SLC13A3: variants seen among roughly 807,000 people sequenced by gnomAD.
SLC13A3 encodes solute carrier family 13 member 3, also known as Na(+)/dicarboxylate cotransporter 3.
Under a neutral mutation model 59.0 loss-of-function variants are expected in SLC13A3, and 40 were observed. That is an observed-to-expected ratio of 0.68 (90% CI 0.53 to 0.88). The LOEUF is 0.88. Among genes scored for constraint, SLC13A3 ranks in the 40% least tolerant of loss-of-function variants. SLC13A3 has a pLI of 0.00. For missense variants in SLC13A3, 699 were observed against 783.2 expected (o/e 0.89, Z 1.28); for synonymous variants, 317 against 330.3 (o/e 0.96, Z 0.44).
At chr20:46,660,696 T>G (rs1473977274) in intron 1 of SLC13A3, among the ~76,000 whole-genome samples, 2 of 152,180 alleles carry the variant, frequency 1.3e-5, no homozygotes, top group Non-Finnish European at 2.9e-5. Flanking sequence ...TTTGGTATAT[T>G]TCCCGTCATT....
chr20:46,585,757 A>G (rs2062184743), intron 8 of SLC13A3: 1 of 1,292,956 alleles, frequency 7.7e-7, no homozygotes, highest in Non-Finnish European at 1.0e-6. Flanking sequence ...AAAAAAATAA[A>G]GCATCTACAT....
intron 3 of SLC13A3, among the ~76,000 whole-genome samples, chr20:46,602,746 CA>C (rs2062392127): frequency 6.6e-6 from 1 of 152,172 alleles, no homozygotes; most frequent in South Asian, 2.1e-4. Flanking sequence ...CCCACCCCAG[CA>C]AAGAATTATC....
At chr20:46,604,307 C>T (rs2062414087) in intron 3 of SLC13A3, among the ~76,000 whole-genome samples, 1 of 152,172 alleles carries the variant, frequency 6.6e-6, no homozygotes, top group Non-Finnish European at 1.5e-5. Context: ...ACACCCCCTT[C>T]CTGAAATAAT....
At chr20:46,679,452 A>T (rs1036065287) in intron 1 of SLC13A3, among the ~76,000 whole-genome samples, 6 of 152,172 alleles carry the variant, frequency 3.9e-5, no homozygotes, top group Non-Finnish European at 5.9e-5. Flanking sequence ...GTCTCTACTA[A>T]AAAATACAAA....
intron 1 of SLC13A3, among the ~76,000 whole-genome samples, chr20:46,634,389 G>GGCTCCCTCTTACCTT (rs1487121316): frequency 6.6e-6 from 1 of 152,122 alleles, no homozygotes; most frequent in Non-Finnish European, 1.5e-5. Context: ...TGCCAACCGA[G>GGCTCCCTCTTACCTT]GCTCCCTCTT....
chr20:46,638,001 G>T (rs1457850498), intron 1 of SLC13A3, among the ~76,000 whole-genome samples: 1 of 152,194 alleles, frequency 6.6e-6, no homozygotes, highest in African/African-American at 2.4e-5. Context: ...GGAAGCGGTT[G>T]ATGTCTGGTT....
intron 10 of SLC13A3, among the ~76,000 whole-genome samples, chr20:46,572,434 TCAGCATGCC>T (rs2062037207): frequency 1.3e-5 from 2 of 152,062 alleles, no homozygotes; most frequent in African/African-American, 4.8e-5. Flanking sequence ...GGGTGGCCTC[TCAGCATGCC>T]CAGCGTCCCG....
intron 1 of SLC13A3, among the ~76,000 whole-genome samples, chr20:46,680,746 GCTCCTGTGTACTCTGCCCT>G (rs2063150200): frequency 6.6e-6 from 1 of 152,136 alleles, no homozygotes; most frequent in African/African-American, 2.4e-5. Flanking sequence ...CCCTCTGCCC[GCTCCTGTGTACTCTGCCCT>G]CTCCTGTGTC....
chr20:46,578,392 C>G (rs2062099891), intron 9 of SLC13A3, among the ~76,000 whole-genome samples: 1 of 151,816 alleles, frequency 6.6e-6, no homozygotes, highest in Non-Finnish European at 1.5e-5. Flanking sequence ...AATAAATATA[C>G]TGGCCGGGCA....
At chr20:46,561,323 G>T (rs115495650) in intron 12 of SLC13A3, among the ~76,000 whole-genome samples, 1,580 of 152,224 alleles carry the variant, frequency 0.01, 32 homozygotes, top group African/African-American at 0.036. Flanking sequence ...GGTGCATGTC[G>T]TCAGGACCTC....
intron 1 of SLC13A3, among the ~76,000 whole-genome samples, chr20:46,646,929 A>G (rs2062900606): frequency 6.6e-6 from 1 of 152,184 alleles, no homozygotes; most frequent in South Asian, 2.1e-4. Flanking sequence ...TGGGAATGAA[A>G]GGACCATCTT....
intron 1 of SLC13A3, among the ~76,000 whole-genome samples, chr20:46,667,640 G>C (rs926329600): frequency 1.3e-5 from 2 of 152,158 alleles, no homozygotes; most frequent in Non-Finnish European, 2.9e-5. Context: ...ATTAGACAAA[G>C]CTACATTCAA....
At chr20:46,620,622 A>C (rs937722473) in intron 1 of SLC13A3, among the ~76,000 whole-genome samples, 1 of 152,202 alleles carries the variant, frequency 6.6e-6, no homozygotes, top group Admixed American at 6.6e-5. Flanking sequence ...AAGGGATGAG[A>C]CTATGTTGAA....
rs1368957372 is a variant in SLC13A3 at position 46,559,634 on chromosome 20, G to T, written c.*388C>A. On this transcript the variant is annotated 3_prime_UTR_variant, in exon 13 of 13. Coordinates refer to ENST00000279027, the MANE Select transcript of SLC13A3 (RefSeq NM_022829.6). ...GGTGGTCTCTTCAGTGTAATCGAAA[G>T]TAATCACTGGGGGATAATGTTAGCT... 5.9e-6 allele frequency: 1 copy of T among 169,848 alleles called. No homozygotes were observed. The highest frequency in any genetic ancestry group is 2.4e-5 in the African/African-American group (1 of 42,144). The allele number at this position is 169,848 out of a possible 1,614,324, so 10.5% of individuals were successfully genotyped here.
intron 1 of SLC13A3, among the ~76,000 whole-genome samples, chr20:46,649,480 C>T (rs1471683597): frequency 6.6e-6 from 1 of 152,152 alleles, no homozygotes; most frequent in Non-Finnish European, 1.5e-5. Context: ...GAGAAGCTGT[C>T]GGGACCCCTA....
chr20:46,584,206 C>T, intron 8 of SLC13A3: 1 of 985,412 alleles, frequency 1.0e-6, no homozygotes, highest in Non-Finnish European at 1.2e-6. Flanking sequence ...ACATTAAGCC[C>T]TCGGGGCAGG....
At chr20:46,592,562 G>A (rs2062270847) in intron 5 of SLC13A3, 33 bp from the exon 6 acceptor site, 1 of 1,611,296 alleles carries the variant, frequency 6.2e-7, no homozygotes, top group South Asian at 1.1e-5. Flanking sequence ...AACAGGCCAA[G>A]GGCAGCCATG....
In SLC13A3 at chr20:46,642,244, GACACAA is replaced by G. The variant is rs2062852250; in HGVS notation, c.111+9061_111+9066del. ...AACAAATTCCATTACCATTAAAACA[GACACAA>G]GGGGACAGGTGGGCAGGAGCTGGAT... On this transcript the variant is annotated intron_variant, in intron 1 of 12. Transcript: ENST00000279027. 2.6e-5 allele frequency among the ~76,000 whole-genome samples: 4 copies of G among 152,304 alleles called. No homozygotes were observed. The South Asian group carries it at 8.3e-4, about 32-fold the overall frequency.
upstream of SLC13A3, among the ~76,000 whole-genome samples, chr20:46,672,669 C>A (rs1025970009): frequency 1.3e-5 from 2 of 152,184 alleles, no homozygotes; most frequent in Non-Finnish European, 2.9e-5. Context: ...GTGGAAGTGA[C>A]CCGATACGGC....
Sources: gnomAD v4.1 joint callset for allele counts (sites outside exome capture counted in the v4.1 genomes callset) on GRCh38, gnomAD v4.1.1 for gene constraint, MANE v1.5 for transcripts, NCBI Gene and HGNC (gene_info 2026-07-23, HGNC 2026-07-21) for gene names.